The following E2F6 variants were observed in gnomAD, a reference collection of about 807,000 sequenced individuals.
E2F6 encodes E2F transcription factor 6.
A neutral mutation model predicts 31.5 loss-of-function variants in E2F6; 19 were observed. That is an observed-to-expected ratio of 0.60 (90% CI 0.42 to 0.89). The LOEUF (loss-of-function observed/expected upper bound fraction) is 0.89. Among genes scored for constraint, E2F6 ranks in the 40% least tolerant of loss-of-function variants. The pLI, the probability that E2F6 is intolerant of heterozygous loss-of-function variation, is 0.00. For missense variants in E2F6, 269 were observed against 341.6 expected (o/e 0.79, Z 1.67); for synonymous variants, 121 against 127.7 (o/e 0.95, Z 0.36).
In E2F6 at chr2:11,447,646, A is replaced by T; in HGVS notation, c.780T>A (p.His260Gln). ...GVGTSSSESTHPEGPEEEENP... is the reference protein window; with the variant it reads ...GVGTSSSESTQPEGPEEEENP... Reference sequence around the variant, plus strand: ...ATTTACCTTCCTCAGGGCCTTCTGGATGAGTGCTCTCAGATGAAGAGGTCC... The same window carrying T: ...ATTTACCTTCCTCAGGGCCTTCTGGTTGAGTGCTCTCAGATGAAGAGGTCC... Residue 260 changes from histidine to glutamine, a missense_variant, in exon 6 of 7, where the codon CAT (histidine) becomes CAA (glutamine). Physicochemically the swap from His to Gln is conservative, Grantham distance 24 (BLOSUM62 0). Transcript: ENST00000381525. 3.1e-6 allele frequency: 5 copies of T among 1,611,928 alleles called. No individual in the cohort carries two copies. The South Asian group carries it at 3.3e-5, about 11-fold the overall frequency.
intron 1 of E2F6, among the ~76,000 whole-genome samples, chr2:11,462,012 G>A (rs1671811306): frequency 1.3e-5 from 2 of 152,166 alleles, no homozygotes; most frequent in Non-Finnish European, 2.9e-5. Context: ...TTGTGTCATG[G>A]ACTTCCAGTG....
At chr2:11,447,092 T>A (rs1240807775) in intron 6 of E2F6, among the ~76,000 whole-genome samples, 1 of 152,180 alleles carries the variant, frequency 6.6e-6, no homozygotes, top group Non-Finnish European at 1.5e-5. Context: ...ATTCCACTAT[T>A]TGGGATCTGC....
At chr2:11,455,495 A>G in intron 2 of E2F6, 1 of 1,291,290 alleles carries the variant, frequency 7.7e-7, no homozygotes, top group Non-Finnish European at 1.0e-6. Flanking sequence ...AATAGGCGTA[A>G]ATTAGGAATT....
At chr2:11,464,997 G>A (rs139938973) in intron 1 of E2F6, among the ~76,000 whole-genome samples, 319 of 151,946 alleles carry the variant, frequency 2.1e-3, no homozygotes, top group African/African-American at 7.4e-3. Context: ...TGGCCAACAC[G>A]GCGAAATCCC....
chr2:11,458,431 T>C, intron 1 of E2F6: 2 of 1,469,976 alleles, frequency 1.4e-6, no homozygotes, highest in South Asian at 1.2e-5. Flanking sequence ...GCATGGCATG[T>C]TTCTGGGAAC....
At chr2:11,458,835 T>A (rs759938504) in intron 1 of E2F6, among the ~76,000 whole-genome samples, 1 of 152,202 alleles carries the variant, frequency 6.6e-6, no homozygotes, top group South Asian at 2.1e-4. Context: ...GTTGTTAGAA[T>A]TGAACACGTA....
chr2:11,465,765 A>G lies in E2F6; in HGVS notation c.108+7T>C, dbSNP rs1380606336. 1.0e-5 allele frequency: 16 copies of G among 1,585,468 alleles called. No homozygotes were observed. The African/African-American group carries it at 2.0e-4, about 20-fold the overall frequency. On this transcript the variant is annotated splice_region_variant and intron_variant, in intron 1 of 6. Transcript: ENST00000381525. ...ACCGCCCGTCCCCGTCCCGTCCCGG[A>G]GCTTACCAGCAGGCCCTCCACGTTG...
At chr2:11,461,887 C>A (rs972453805) in intron 1 of E2F6, among the ~76,000 whole-genome samples, 1 of 152,176 alleles carries the variant, frequency 6.6e-6, no homozygotes, top group African/African-American at 2.4e-5. Context: ...TCATTATAAT[C>A]CTTGTTTTCC....
In E2F6 at chr2:11,466,079, C is replaced by T. The variant is rs1672195500; in HGVS notation, c.-200G>A. The T allele has an allele frequency of 1.9e-6, 1 of 521,242 alleles. No homozygotes were observed. Among genetic ancestry groups the T allele is most frequent in the Non-Finnish European group, 3.3e-6 (1 of 299,844 alleles). The allele number at this position is 521,242 out of a possible 1,614,324, so 32.3% of individuals were successfully genotyped here. A position where few individuals can be genotyped will look rare whatever the true frequency, so the allele number is the denominator to read the frequency against. ...GCACGGCCTCACGTGCCCGGGAGCT[C>T]CCGACGCAGACGGAAAAAGAGGAGG... On this transcript the variant is annotated 5_prime_UTR_variant, in exon 1 of 7. Transcript: ENST00000381525.
chr2:11,459,034 T>C (rs983192744), intron 1 of E2F6, among the ~76,000 whole-genome samples: 1 of 152,134 alleles, frequency 6.6e-6, no homozygotes, highest in Non-Finnish European at 1.5e-5. Flanking sequence ...TTGCTATTTT[T>C]ACATTTAACC....
rs1266856644 is a variant in E2F6, at chr2:11,465,853, C to A, written c.27G>T (p.Lys9Asn). The change falls in exon 1 of 7, where the codon AAG (lysine) becomes AAT (asparagine). Residue 9 changes from lysine to asparagine, a missense_variant. Coordinates refer to ENST00000381525, the MANE Select transcript of E2F6 (RefSeq NM_198256.4). Reference protein sequence around the residue: MSQQRPARKLPSLLLDPTE... With the variant: MSQQRPARNLPSLLLDPTE... Reference sequence around the variant, plus strand: ...TCGGGTCCAGGAGGAGACTGGGTAACTTCCTCGCCGGCCGCTGCTGACTCA... The same window carrying A: ...TCGGGTCCAGGAGGAGACTGGGTAAATTCCTCGCCGGCCGCTGCTGACTCA... 1 of 1,576,354 alleles carries A rather than the reference C, an allele frequency of 6.3e-7. No homozygotes were observed. The highest frequency in any genetic ancestry group is 2.3e-5 in the East Asian group (1 of 42,888).
chr2:11,457,983 C>T (rs1189990563), intron 1 of E2F6, among the ~76,000 whole-genome samples: 2 of 152,206 alleles, frequency 1.3e-5, no homozygotes, highest in African/African-American at 2.4e-5. Flanking sequence ...TATCAATGCT[C>T]ACCATTTTAC....
rs76717300 is a variant in E2F6 at position 11,455,654 on chromosome 2, T to C, written c.163+1525A>G. On this transcript the variant is annotated intron_variant, in intron 2 of 6. Transcript: ENST00000381525. ...GTCTTATATGCTCAGGATAAGCATA[T>C]TTCTATGTTATTTTATAAAGAACAT... Among the ~76,000 whole-genome samples, 726 of 152,304 alleles carry C rather than the reference T, an allele frequency of 4.8e-3. 5 individuals are homozygous for C. Among genetic ancestry groups the C allele is most frequent in the African/African-American group, 0.017 (697 of 41,560 alleles).
chr2:11,447,232 A>G (rs1670773703), intron 6 of E2F6, among the ~76,000 whole-genome samples: 1 of 152,074 alleles, frequency 6.6e-6, no homozygotes, highest in African/African-American at 2.4e-5. Flanking sequence ...CTGTTGGCTG[A>G]GTTGAGTGGG....
intron 2 of E2F6, chr2:11,455,599 T>C: frequency 1.9e-6 from 1 of 513,748 alleles, no homozygotes; most frequent in East Asian, 6.9e-5. Flanking sequence ...AAAGCATATA[T>C]TTAATTATAC....
chr2:11,454,522 T>A (rs1292160902), intron 2 of E2F6, among the ~76,000 whole-genome samples: 1 of 152,136 alleles, frequency 6.6e-6, no homozygotes, highest in Non-Finnish European at 1.5e-5. Context: ...TTGTTTTGCA[T>A]TTTTAGTAGA....
At chr2:11,463,958 G>GGGGGGGGGGGA (rs56958029) in intron 1 of E2F6, among the ~76,000 whole-genome samples, 5 of 106,358 alleles carry the variant, frequency 4.7e-5, no homozygotes, top group Admixed American at 1.1e-4. Context: ...CGGGGGGGGG[G>GGGGGGGGGGGA]ACAAAAACAA....
At chr2:11,457,651 C>T (rs1671492069) in intron 1 of E2F6, among the ~76,000 whole-genome samples, 2 of 152,028 alleles carry the variant, frequency 1.3e-5, no homozygotes, top group South Asian at 4.2e-4. Flanking sequence ...AAAAAACATG[C>T]ACACACACAC....
rs1298411794 is a variant in E2F6, at chr2:11,453,593, A to G, written c.369T>C (p.His123=). Residue 123 remains histidine, a synonymous_variant, in exon 3 of 7, where the codon CAT becomes CAC. Coordinates refer to ENST00000381525, the MANE Select transcript of E2F6 (RefSeq NM_198256.4). ...TGAAAGCAACTCACATCCATCTAAT[A>G]TGGTTCTTGGATTTCTTTTCAACGA... is the stretch of plus-strand genomic sequence containing the variant. The part of the protein sequence containing the change: ...IDLVEKKSKN[H]IRWIGSDLSN... 1 of 1,614,026 alleles carries G rather than the reference A, an allele frequency of 6.2e-7. No homozygotes were observed. The highest frequency in any genetic ancestry group is 1.7e-5 in the Admixed American group (1 of 60,008).
Sources: allele counts gnomAD v4.1 joint callset (sites outside exome capture counted in the v4.1 genomes callset), GRCh38; gene constraint gnomAD v4.1.1; transcripts MANE v1.5; gene names NCBI Gene and HGNC (gene_info 2026-07-23, HGNC 2026-07-21).